The following AFF3 variants were observed in gnomAD, a reference collection of about 807,000 sequenced individuals.
AFF3 encodes ALF transcription elongation factor 3.
AFF3 carries 32 observed loss-of-function variants against 129.7 expected under a neutral mutation model. The ratio of observed to expected loss-of-function variants is 0.25; its 90% confidence interval spans 0.19 to 0.33. AFF3 has a LOEUF of 0.33. Ranked by LOEUF, AFF3 falls within the 10% of genes least tolerant of loss-of-function variation. The pLI, the probability that AFF3 is intolerant of heterozygous loss-of-function variation, is 1.00. For missense variants in AFF3, 1,373 were observed against 1,592.0 expected (o/e 0.86, Z 2.34); for synonymous variants, 644 against 635.4 (o/e 1.01, Z -0.20).
At chr2:99,772,361 A>T (rs1683562426) in intron 8 of AFF3, among the ~76,000 whole-genome samples, 1 of 152,154 alleles carries the variant, frequency 6.6e-6, no homozygotes, top group East Asian at 1.9e-4. Flanking sequence ...AAAAGAAGGG[A>T]GTGAATTAGA....
At chr2:99,969,026 C>A (rs1051600611) in intron 7 of AFF3, among the ~76,000 whole-genome samples, 2 of 152,108 alleles carry the variant, frequency 1.3e-5, no homozygotes, top group African/African-American at 4.8e-5. Context: ...TGGAGTCGGG[C>A]GGAACAAACT....
chr2:100,133,655 G>A (rs746057255), intron 1 of AFF3, among the ~76,000 whole-genome samples: 10 of 152,086 alleles, frequency 6.6e-5, no homozygotes, highest in Non-Finnish European at 1.0e-4. Context: ...AAAATAGGCC[G>A]GGCACAGTGG....
At chr2:99,780,840 C>G (rs909961250) in intron 8 of AFF3, among the ~76,000 whole-genome samples, 12 of 152,128 alleles carry the variant, frequency 7.9e-5, no homozygotes, top group Admixed American at 6.5e-5. Flanking sequence ...CCAAGGCTGC[C>G]CACCTTAGTA....
intron 7 of AFF3, among the ~76,000 whole-genome samples, chr2:99,932,361 A>T (rs1385718700): frequency 6.6e-6 from 1 of 152,132 alleles, no homozygotes; most frequent in Non-Finnish European, 1.5e-5. Context: ...TCCTTCTTTG[A>T]GAAAGCGCAT....
chr2:99,953,088 G>A (rs1676314286), intron 7 of AFF3, among the ~76,000 whole-genome samples: 1 of 152,178 alleles, frequency 6.6e-6, no homozygotes, highest in Non-Finnish European at 1.5e-5. Context: ...CAAACACGAA[G>A]CCCCACACTA....
At chr2:99,648,927 T>A (rs1361368741) in intron 13 of AFF3, among the ~76,000 whole-genome samples, 1 of 97,086 alleles carries the variant, frequency 1.0e-5, no homozygotes, top group Non-Finnish European at 2.2e-5. Context: ...ACTCTCTCTC[T>A]CTCTCTCTCT....
intron 11 of AFF3, chr2:99,706,980 T>A: frequency 1.8e-6 from 1 of 544,908 alleles, no homozygotes; most frequent in South Asian, 8.0e-5. Flanking sequence ...TCTCCTCTTT[T>A]ATAGGACATT....
intron 4 of AFF3, among the ~76,000 whole-genome samples, chr2:100,020,239 C>T (rs2104860446): frequency 6.6e-6 from 1 of 152,066 alleles, no homozygotes; most frequent in South Asian, 2.1e-4. Context: ...CCTTCCCTGG[C>T]CCTCTGGTAC....
At chr2:100,048,062 T>C (rs1685979613) in intron 4 of AFF3, among the ~76,000 whole-genome samples, 1 of 152,208 alleles carries the variant, frequency 6.6e-6, no homozygotes, top group Non-Finnish European at 1.5e-5. Context: ...TTACCCACAA[T>C]AATGGCACCA....
At chr2:100,001,825 C>T (rs764626340) in intron 7 of AFF3, among the ~76,000 whole-genome samples, 3 of 152,214 alleles carry the variant, frequency 2.0e-5, no homozygotes, top group Non-Finnish European at 4.4e-5. Flanking sequence ...ACCTTCAGAA[C>T]GACCCATCTA....
intron 4 of AFF3, among the ~76,000 whole-genome samples, chr2:100,074,193 G>C (rs1440899761): frequency 1.3e-5 from 2 of 152,186 alleles, no homozygotes; most frequent in Non-Finnish European, 2.9e-5. Flanking sequence ...CAATGACTTT[G>C]CTGCGTTTTA....
rs1447207115 is a variant in AFF3, at chr2:99,554,303, G to A, written c.3559+8C>T. 6.2e-7 allele frequency: 1 copy of A among 1,614,156 alleles called. No homozygotes were observed. The highest frequency in any genetic ancestry group is 8.5e-7 in the Non-Finnish European group (1 of 1,180,024). On this transcript the variant is annotated splice_region_variant and intron_variant, in intron 24 of 24. Coordinates refer to ENST00000672756, the MANE Select transcript of AFF3 (RefSeq NM_001386135.1). Reference sequence around the variant, plus strand: ...AAGCCCCTGGTTCCCCGTGGGGTGTGCGCTCACCTCGGTTTTCCTTGGCCA... The same window carrying A: ...AAGCCCCTGGTTCCCCGTGGGGTGTACGCTCACCTCGGTTTTCCTTGGCCA...
chr2:100,103,019 G>A (rs977190788), intron 4 of AFF3, among the ~76,000 whole-genome samples: 4 of 150,302 alleles, frequency 2.7e-5, no homozygotes, highest in Admixed American at 1.3e-4. Context: ...ATTAGGGCCC[G>A]TCCTTGTGTG....
chr2:99,958,441 T>C (rs1676873442), intron 7 of AFF3, among the ~76,000 whole-genome samples: 1 of 148,350 alleles, frequency 6.7e-6, no homozygotes, highest in Non-Finnish European at 1.5e-5. Context: ...GCCGAGATCG[T>C]GTCACTGCAC....
At chr2:99,692,307 TG>T (rs1675747644) in intron 11 of AFF3, among the ~76,000 whole-genome samples, 1 of 152,188 alleles carries the variant, frequency 6.6e-6, no homozygotes, top group Non-Finnish European at 1.5e-5. Flanking sequence ...ATGGACATGG[TG>T]GCCCCTGTGG....
At chr2:99,969,037 G>GA (rs1678077778) in intron 7 of AFF3, among the ~76,000 whole-genome samples, 1 of 152,194 alleles carries the variant, frequency 6.6e-6, no homozygotes, top group Non-Finnish European at 1.5e-5. Context: ...GGAACAAACT[G>GA]ACTTCTGCCC....
chr2:99,853,308 C>T (rs1690282589), intron 7 of AFF3, among the ~76,000 whole-genome samples: 1 of 152,156 alleles, frequency 6.6e-6, no homozygotes, highest in African/African-American at 2.4e-5. Context: ...ATTTGAGTAC[C>T]TTTTCTTTCC....
intron 4 of AFF3, among the ~76,000 whole-genome samples, chr2:100,061,331 T>A (rs992445093): frequency 6.6e-6 from 1 of 152,070 alleles, no homozygotes; most frequent in African/African-American, 2.4e-5. Flanking sequence ...TTAAAAAAAA[T>A]AAAACAACAT....
At chr2:99,602,056 G>A (rs974489316) in intron 13 of AFF3, among the ~76,000 whole-genome samples, 1 of 152,188 alleles carries the variant, frequency 6.6e-6, no homozygotes, top group Non-Finnish European at 1.5e-5. Context: ...TTGCCCTAGA[G>A]GAAAATGCAG....
Sources: gnomAD v4.1 joint callset for allele counts (sites outside exome capture counted in the v4.1 genomes callset) on GRCh38, gnomAD v4.1.1 for gene constraint, MANE v1.5 for transcripts, NCBI Gene and HGNC (gene_info 2026-07-23, HGNC 2026-07-21) for gene names.